WIZ: variants seen among roughly 807,000 people sequenced by gnomAD.
The protein encoded by WIZ is protein Wiz.
WIZ carries 25 observed loss-of-function variants against 140.2 expected under a neutral mutation model. The observed-to-expected ratio is 0.18, with a 90% confidence interval of 0.13 to 0.25. WIZ has a LOEUF of 0.25. Among genes scored for constraint, WIZ ranks in the 10% least tolerant of loss-of-function variants. The probability of loss-of-function intolerance (pLI) is 1.00; values close to 1 mark genes in which losing one functional copy is unlikely to be tolerated. For missense variants in WIZ, 2,231 were observed against 2,632.6 expected (o/e 0.85, Z 3.34); for synonymous variants, 1,125 against 1,154.3 (o/e 0.97, Z 0.51).
intron 2 of WIZ, among the ~76,000 whole-genome samples, chr19:15,445,752 G>A (rs1295068927): frequency 6.6e-6 from 1 of 152,186 alleles, no homozygotes; most frequent in Non-Finnish European, 1.5e-5. Context: ...GAGCTGCAGA[G>A]GGGGTGTGGG....
chr19:15,424,476 G>A lies in WIZ; in HGVS notation c.5315-98C>T. 3 of 1,527,464 alleles carry A rather than the reference G, an allele frequency of 2.0e-6. No individual in the cohort carries two copies. Among genetic ancestry groups the A allele is most frequent in the Admixed American group, 4.1e-5 (2 of 49,100 alleles). The allele number at this position is 1,527,464 out of a possible 1,614,324, so 94.6% of individuals were successfully genotyped here. ...GAGGACTGATGCTACCTGGATGGGT[G>A]GGATGGGGGATGGATGGGTGAATGG... On this transcript the variant is annotated intron_variant, in intron 11 of 12. Coordinates refer to ENST00000673675, the MANE Select transcript of WIZ (RefSeq NM_001371589.1). The surrounding 1 kb of genome is among the most constrained non-coding windows in gnomAD (Gnocchi z 9.7).
At chr19:15,447,302 C>T (rs571693516) in intron 2 of WIZ, among the ~76,000 whole-genome samples, 6 of 152,292 alleles carry the variant, frequency 3.9e-5, no homozygotes, top group South Asian at 4.1e-4. Flanking sequence ...CCAGAATGCC[C>T]GTCCCACCAT....
chr19:15,423,938 G>A, intron 12 of WIZ: 3 of 429,110 alleles, frequency 7.0e-6, no homozygotes, highest in African/African-American at 6.2e-5. Context: ...AGGAAATTGA[G>A]GTAAGGAGCA....
rs750338702 is a variant in WIZ, at chr19:15,428,288, C to G, written c.3636G>C (p.Pro1212=). The G allele has an allele frequency of 9.2e-4, 1,408 of 1,528,166 alleles. 20 individuals carry two copies. The highest frequency in any genetic ancestry group is 8.6e-5 in the Non-Finnish European group (98 of 1,143,770). The allele number at this position is 1,528,166 out of a possible 1,614,324, so 94.7% of individuals were successfully genotyped here. ...CCGCGGAGGTGGGAGGCGGCCGCCC[C>G]GGGTGGGCCAGGGCGCCGCGCCTGG... ...LPPRRGALAH[P]GRPPPTSAAL... The change falls in exon 8 of 13, where the codon CCG becomes CCC. Residue 1212 remains proline (P), a synonymous_variant. Coordinates refer to ENST00000673675, the MANE Select transcript of WIZ (RefSeq NM_001371589.1). This position sits in a 1 kb window ranked among gnomAD's most constrained non-coding sequence, Gnocchi z 6.4.
chr19:15,438,355 C>T (rs774388326), intron 4 of WIZ, among the ~76,000 whole-genome samples: 1 of 152,206 alleles, frequency 6.6e-6, no homozygotes, highest in Non-Finnish European at 1.5e-5. Context: ...CTGCCTGAGG[C>T]TGACTCTTCT....
At chr19:15,431,984 G>A (rs997644604) in intron 5 of WIZ, among the ~76,000 whole-genome samples, 8 of 152,218 alleles carry the variant, frequency 5.3e-5, no homozygotes, top group Non-Finnish European at 7.3e-5. Context: ...GGCCTTGGAG[G>A]CGTTCAGTGG....
chr19:15,433,181 A>G (rs1052538168), intron 5 of WIZ: 225 of 927,348 alleles, frequency 2.4e-4, no homozygotes, highest in Middle Eastern at 2.2e-3. Context: ...TCCAACCACA[A>G]GAATCCCTCC....
intron 4 of WIZ, 95 bp from the exon 5 acceptor site, chr19:15,437,224 T>A (rs1371235543): frequency 8.2e-7 from 1 of 1,218,102 alleles, no homozygotes; most frequent in Non-Finnish European, 1.1e-6. Context: ...TGGACTGCCT[T>A]TCTTCCCCGT....
At chr19:15,436,774 G>A (rs1357780636) in intron 5 of WIZ, 32 bp downstream of exon 5, 1 of 1,519,088 alleles carries the variant, frequency 6.6e-7, no homozygotes, top group South Asian at 1.3e-5. Flanking sequence ...GGGAAGGATG[G>A]GGCTCCAGCA....
intron 6 of WIZ, 61 bp downstream of exon 6, chr19:15,430,951 T>G (rs1969193962): frequency 6.9e-7 from 1 of 1,455,142 alleles, no homozygotes. Flanking sequence ...GGCACGAGAG[T>G]GCTCCTGTGA....
intron 12 of WIZ, chr19:15,423,912 C>G (rs1481024994): frequency 2.5e-6 from 1 of 406,654 alleles, no homozygotes; most frequent in African/African-American, 2.1e-5. Context: ...TTGTTATCAA[C>G]CCGCTTTTAT....
intron 2 of WIZ, among the ~76,000 whole-genome samples, chr19:15,445,042 G>A (rs1278835694): frequency 1.3e-5 from 2 of 152,254 alleles, no homozygotes; most frequent in African/African-American, 4.8e-5. Context: ...CACCTTGGGG[G>A]TGGGGGCTTC....
In WIZ at chr19:15,440,302, A is replaced by G; in HGVS notation, c.692T>C (p.Met231Thr). The change falls in exon 4 of 13, where the codon ATG (methionine) becomes ACG (threonine). Residue 231 changes from methionine (M) to threonine (T), a missense_variant. Physicochemically the swap from Met to Thr is moderately conservative, Grantham distance 81 (BLOSUM62 -1). Around this residue, in one of 15 missense-constraint regions of WIZ, gnomAD observed 307 missense variants for 294.1 expected, o/e 1.04. Coordinates refer to ENST00000673675, the MANE Select transcript of WIZ (RefSeq NM_001371589.1). The surrounding 1 kb of genome is among the most constrained non-coding windows in gnomAD (Gnocchi z 6.2). ...ATCTTCTCTGCCACCCACCACCGCCATGTCCAGCGTCTTCGGGGTGTCTTC... is the reference window on the plus strand; with the variant it reads ...ATCTTCTCTGCCACCCACCACCGCCGTGTCCAGCGTCTTCGGGGTGTCTTC... ...PVEDTPKTLD[M>T]AVVGGREDLE... is the part of the protein sequence containing the mutation. 6.6e-7 allele frequency: 1 copy of G among 1,506,220 alleles called. No individual in the cohort carries two copies. The highest frequency in any genetic ancestry group is 8.8e-7 in the Non-Finnish European group (1 of 1,130,138). 93.3% of individuals were successfully genotyped at this position (1,506,220 alleles called of 1,614,324 possible).
chr19:15,430,372 A>T (rs1343744533), intron 6 of WIZ, among the ~76,000 whole-genome samples: 2 of 152,214 alleles, frequency 1.3e-5, no homozygotes, highest in Non-Finnish European at 2.9e-5. Flanking sequence ...CACCTTTCAC[A>T]ACCTTTCAGG....
chr19:15,432,434 C>G, intron 5 of WIZ: 1 of 983,702 alleles, frequency 1.0e-6, no homozygotes. Flanking sequence ...GGGCTCTTAC[C>G]GGGCGCGGGA....
Position 15,424,359 on chromosome 19 carries a change from G to A in WIZ, c.5334C>T (p.Ala1778=), listed in dbSNP as rs754227374. Reference sequence around the variant, plus strand: ...GGGCTGCGGAGGCATCTGGAGGGCGGGCTTGTCGGCGTTCAAATTCTAAGG... The same window carrying A: ...GGGCTGCGGAGGCATCTGGAGGGCGAGCTTGTCGGCGTTCAAATTCTAAGG... ...QNINKFERRQ[A]RPPDASAARG... The change falls in exon 12 of 13, where the codon GCC becomes GCT. Residue 1778 remains alanine, a synonymous_variant. Coordinates refer to ENST00000673675, the MANE Select transcript of WIZ (RefSeq NM_001371589.1). This position sits in a 1 kb window ranked among gnomAD's most constrained non-coding sequence, Gnocchi z 9.7. The A allele has an allele frequency of 6.9e-6, 11 of 1,601,954 alleles. No homozygotes were observed. In the East Asian group the frequency reaches 1.6e-4, roughly 23 times the overall value.
At position 15,425,024 on chromosome 19, in the gene WIZ, C is replaced by T. The variant is rs1448357108; in HGVS notation, c.4903G>A (p.Ala1635Thr). The change falls in exon 11 of 13, where the codon GCC becomes ACC. Residue 1635 changes from alanine (A) to threonine (T), a missense_variant. Ala to Thr is a moderately conservative substitution (Grantham distance 58). Transcript: ENST00000673675. ...HEKTSHSSTE[A>T]CCELCGLYFE... is the part of the protein sequence containing the mutation. The stretch of plus-strand genomic sequence containing the variant: ...TAAAGGCCACACAGCTCGCAGCAGG[C>T]CTCGGTGGCTGCGGGGCGGAGGGGG... 1 of 1,584,572 alleles carries T rather than the reference C, an allele frequency of 6.3e-7. No homozygotes were observed. Among genetic ancestry groups the T allele is most frequent in the East Asian group, 2.3e-5 (1 of 43,976 alleles).
At position 15,427,469 on chromosome 19, in the gene WIZ, G is replaced by A; in HGVS notation, c.3879C>T (p.Arg1293=). 3 of 1,613,388 alleles carry A rather than the reference G, an allele frequency of 1.9e-6. No individual in the cohort carries two copies. The highest frequency in any genetic ancestry group is 2.5e-6 in the Non-Finnish European group (3 of 1,179,952). Residue 1293 remains arginine, a synonymous_variant, in exon 9 of 13, where the codon CGC becomes CGT. Coordinates refer to ENST00000673675, the MANE Select transcript of WIZ (RefSeq NM_001371589.1). The surrounding 1 kb of genome is among the most constrained non-coding windows in gnomAD (Gnocchi z 6.4). ...CEFCGEFFEN[R]KGLSSHARSH... ...AGCGCGCGTGGCTCGAGAGGCCCTT[G>A]CGGTTCTCGAAGAACTCACCACAGA... is the stretch of plus-strand genomic sequence containing the variant.
At position 15,440,360 on chromosome 19, in the gene WIZ, G is replaced by A. The variant is rs921015829; in HGVS notation, c.634C>T (p.Leu212Phe). 46 of 1,530,968 alleles carry A rather than the reference G, an allele frequency of 3.0e-5. No homozygotes were observed. Among genetic ancestry groups the A allele is most frequent in the Non-Finnish European group, 3.8e-5 (44 of 1,143,202 alleles). The allele number at this position is 1,530,968 out of a possible 1,614,324, so 94.8% of individuals were successfully genotyped here. ...HLDLPAQPPP[L>F]APFRRVFVPV... ...ACAAACACCCTCCTGAAGGGGGCGAGGGGTGGCGGCTGGGCAGGCAGGTCC... is the reference window on the plus strand; with the variant it reads ...ACAAACACCCTCCTGAAGGGGGCGAAGGGTGGCGGCTGGGCAGGCAGGTCC... Residue 212 changes from leucine to phenylalanine, a missense_variant, in exon 4 of 13, where the codon CTC becomes TTC. By Grantham distance (22) the Leu-to-Phe change is conservative. This residue lies in a region of WIZ where 307 missense variants were observed against 294.1 expected (regional missense o/e 1.04). Coordinates refer to ENST00000673675, the MANE Select transcript of WIZ (RefSeq NM_001371589.1). This position sits in a 1 kb window ranked among gnomAD's most constrained non-coding sequence, Gnocchi z 6.2.
Sources: gnomAD v4.1 joint callset for allele counts (sites outside exome capture counted in the v4.1 genomes callset) on GRCh38, gnomAD v4.1.1 for gene constraint, gnomAD v4.1.1 regional missense constraint, Gnocchi (gnomAD v3.1) non-coding constraint, MANE v1.5 for transcripts, NCBI Gene and HGNC (gene_info 2026-07-23, HGNC 2026-07-21) for gene names.